The following CALN1 variants were observed in gnomAD, a reference collection of about 807,000 sequenced individuals.
The protein encoded by CALN1 is calneuron 1.
In CALN1, 17 loss-of-function variants were observed where a neutral mutation model predicts 30.6. The ratio of observed to expected loss-of-function variants is 0.56; its 90% confidence interval spans 0.38 to 0.83. The LOEUF (loss-of-function observed/expected upper bound fraction) is 0.83. Ranked by LOEUF, CALN1 falls within the 40% of genes least tolerant of loss-of-function variation. The pLI is 0.00. For synonymous variants in CALN1, 156 were observed against 131.4 expected (o/e 1.19, Z -1.28); for missense variants, 291 against 354.9 (o/e 0.82, Z 1.45).
At chr7:72,081,447 TTTTC>T (rs1309308157) in intron 4 of CALN1, among the ~76,000 whole-genome samples, 1 of 34,536 alleles carries the variant, frequency 2.9e-5, no homozygotes, top group Non-Finnish European at 5.5e-5. Flanking sequence ...TGTGTGTTTT[TTTTC>T]TTTGAGACAG....
chr7:72,137,910 G>A (rs534221747), intron 3 of CALN1, among the ~76,000 whole-genome samples: 34 of 152,054 alleles, frequency 2.2e-4, no homozygotes, highest in Admixed American at 3.9e-4. Flanking sequence ...AGAATGATAC[G>A]GAAATGTGCT....
intron 1 of CALN1, among the ~76,000 whole-genome samples, chr7:72,404,354 A>ATTAACTG (rs2129562203): frequency 6.6e-6 from 1 of 152,366 alleles, no homozygotes; most frequent in African/African-American, 2.4e-5. Context: ...CTCAATAAAT[A>ATTAACTG]TGTATTGAAC....
In CALN1 at chr7:72,320,972, G is replaced by T. The variant is rs546760457; in HGVS notation, c.120-42162C>A. Among the ~76,000 whole-genome samples, 5 of 152,124 alleles carry T rather than the reference G, an allele frequency of 3.3e-5. No individual in the cohort carries two copies. In the East Asian group the frequency reaches 9.7e-4, roughly 29 times the overall value. The stretch of plus-strand genomic sequence containing the variant: ...TCAGCCAGGTATTTAACTTCTCTGG[G>T]GTTAGGTGCCCTCATCCATAAAAAC... On this transcript the variant is annotated intron_variant, in intron 2 of 6. Transcript: ENST00000395275.
At chr7:72,332,548 A>G (rs1801746042) in intron 2 of CALN1, among the ~76,000 whole-genome samples, 1 of 151,866 alleles carries the variant, frequency 6.6e-6, no homozygotes, top group Non-Finnish European at 1.5e-5. Context: ...TCCTACCTCA[A>G]TAATAATAGA....
chr7:72,073,389 C>T (rs1377365815), intron 4 of CALN1, among the ~76,000 whole-genome samples: 1 of 152,064 alleles, frequency 6.6e-6, no homozygotes, highest in East Asian at 1.9e-4. Flanking sequence ...GAAATGGTTA[C>T]AATGGTAAAA....
At chr7:71,986,194 T>C (rs1021371660) in intron 5 of CALN1, among the ~76,000 whole-genome samples, 2 of 152,046 alleles carry the variant, frequency 1.3e-5, no homozygotes, top group African/African-American at 4.8e-5. Context: ...ACCACAGGCA[T>C]GTGCCACCAC....
intron 2 of CALN1, among the ~76,000 whole-genome samples, chr7:72,365,596 A>T (rs912743892): frequency 1.3e-5 from 2 of 151,860 alleles, no homozygotes; most frequent in Admixed American, 1.3e-4. Flanking sequence ...CTCCCTGCAA[A>T]TTTTTTAAAT....
At chr7:71,960,135 AAATAAATAAATAAAT>A in intron 5 of CALN1, among the ~76,000 whole-genome samples, 1 of 960 alleles carries the variant, frequency 1.0e-3, no homozygotes, top group Non-Finnish European at 1.5e-3. Flanking sequence ...TCCATCTCAA[AAATAAATAAATAAAT>A]AAATAAATAA....
chr7:72,352,370 C>G (rs1299087430), intron 2 of CALN1, among the ~76,000 whole-genome samples: 159 of 113,714 alleles, frequency 1.4e-3, no homozygotes, highest in Admixed American at 5.7e-3. Context: ...GCCTGGGTGA[C>G]AGAGTGAGAC....
chr7:72,450,498 C>T (rs540672131), upstream of CALN1, among the ~76,000 whole-genome samples: 6 of 152,280 alleles, frequency 3.9e-5, no homozygotes, highest in Non-Finnish European at 5.9e-5. Flanking sequence ...GACCACATGA[C>T]GAGGAATTGT....
intron 3 of CALN1, among the ~76,000 whole-genome samples, chr7:72,232,441 G>C (rs1448744002): frequency 6.7e-6 from 1 of 150,048 alleles, no homozygotes; most frequent in Non-Finnish European, 1.5e-5. Flanking sequence ...TGGACTCGTA[G>C]AAAGCTTTCA....
At chr7:71,968,822 A>C (rs1435281351) in intron 5 of CALN1, among the ~76,000 whole-genome samples, 1 of 151,550 alleles carries the variant, frequency 6.6e-6, no homozygotes, top group Non-Finnish European at 1.5e-5. Context: ...AGGTGAGAGG[A>C]TTGCTTGAGT....
intron 2 of CALN1, among the ~76,000 whole-genome samples, chr7:72,343,753 G>T (rs958595063): frequency 2.6e-5 from 4 of 152,138 alleles, no homozygotes; most frequent in African/African-American, 9.7e-5. Flanking sequence ...AAGGAACCAG[G>T]GTTTGCTGAG....
At chr7:72,349,282 T>TTGTGTGTGTGTGTGTGTGTG (rs3032183) in intron 2 of CALN1, among the ~76,000 whole-genome samples, 5 of 147,754 alleles carry the variant, frequency 3.4e-5, no homozygotes, top group African/African-American at 1.3e-4. Flanking sequence ...ACACGCGTGC[T>TTGTGTGTGTGTGTGTGTGTG]TGTGTGTGTG....
At chr7:72,023,524 T>G (rs761081939) in intron 5 of CALN1, 133 bp downstream of exon 5, 8 of 522,024 alleles carry the variant, frequency 1.5e-5, no homozygotes, top group Non-Finnish European at 2.3e-5. Context: ...TTTGATTCTT[T>G]GTTCTGGAAC....
chr7:71,921,304 A>G (rs1794933719), intron 5 of CALN1, among the ~76,000 whole-genome samples: 1 of 152,220 alleles, frequency 6.6e-6, no homozygotes, highest in Non-Finnish European at 1.5e-5. Flanking sequence ...GCATGTGTAT[A>G]CCTATGTAAC....
intron 4 of CALN1, 58 bp downstream of exon 4, chr7:72,106,093 G>A: frequency 6.3e-7 from 1 of 1,582,198 alleles, no homozygotes; most frequent in Non-Finnish European, 8.6e-7. Context: ...TAAACCGAAG[G>A]TCTCACTGAT....
chr7:72,421,573 CTTTTT>C (rs772198450), intron 1 of CALN1, among the ~76,000 whole-genome samples: 5 of 58,622 alleles, frequency 8.5e-5, no homozygotes, highest in Non-Finnish European at 1.2e-4. Context: ...TTTTATCCTA[CTTTTT>C]TTTTTTTTTT....
chr7:72,097,895 T>A (rs1806357031), intron 4 of CALN1, among the ~76,000 whole-genome samples: 2 of 151,904 alleles, frequency 1.3e-5, no homozygotes, highest in South Asian at 4.2e-4. Context: ...TGTATTTTTA[T>A]TAGAGATGGG....
Sources: gnomAD v4.1 joint callset for allele counts (sites outside exome capture counted in the v4.1 genomes callset) on GRCh38, gnomAD v4.1.1 for gene constraint, MANE v1.5 for transcripts, NCBI Gene and HGNC (gene_info 2026-07-23, HGNC 2026-07-21) for gene names.